PRIMA1: variants seen among roughly 807,000 people sequenced by gnomAD.
PRIMA1 encodes proline rich membrane anchor 1.
A neutral mutation model predicts 17.5 loss-of-function variants in PRIMA1; 7 were observed. That is an observed-to-expected ratio of 0.40 (90% CI 0.23 to 0.75). The LOEUF (loss-of-function observed/expected upper bound fraction) is 0.75, where lower values mean the gene tolerates loss of function less well. Among genes scored for constraint, PRIMA1 ranks in the 30% least tolerant of loss-of-function variants. The pLI is 0.37. For missense variants in PRIMA1, 200 were observed against 201.8 expected, an observed-to-expected ratio of 0.99 and a Z score of 0.05; for synonymous variants, 97 against 77.9, an observed-to-expected ratio of 1.25 and a Z score of -1.29.
At chr14:93,753,732 C>T (rs2076274378) in intron 3 of PRIMA1, among the ~76,000 whole-genome samples, 1 of 152,114 alleles carries the variant, frequency 6.6e-6, no homozygotes, top group Non-Finnish European at 1.5e-5. Context: ...ATGATGCTGC[C>T]CCCTTTGTGG....
intron 2 of PRIMA1, among the ~76,000 whole-genome samples, chr14:93,784,579 T>C (rs866897619): frequency 2.2e-4 from 34 of 152,238 alleles, no homozygotes; most frequent in African/African-American, 7.5e-4. Context: ...TGCAGGACAC[T>C]ATGTTAGTGG....
intron 3 of PRIMA1, among the ~76,000 whole-genome samples, chr14:93,750,661 T>A (rs935832554): frequency 6.6e-6 from 1 of 152,190 alleles, no homozygotes; most frequent in African/African-American, 2.4e-5. Context: ...TCTCGCCTTT[T>A]ACAGAAAGTT....
rs563520630 is a variant in PRIMA1 at position 93,725,076 on chromosome 14, A to G, written c.360-3530T>C. On this transcript the variant is annotated intron_variant, in intron 4 of 4. Coordinates refer to ENST00000393140, the MANE Select transcript of PRIMA1 (RefSeq NM_178013.4). Reference sequence around the variant, plus strand: ...GGTGGCTCGGAAGAGCTAAGCAGGAAGTGAGCCTGGCAGGAGGACCCTGGA... The same window carrying G: ...GGTGGCTCGGAAGAGCTAAGCAGGAGGTGAGCCTGGCAGGAGGACCCTGGA... Among the ~76,000 whole-genome samples, 3 of 152,170 alleles carry G rather than the reference A, an allele frequency of 2.0e-5. No individual in the cohort carries two copies. The East Asian group carries it at 5.8e-4, about 29-fold the overall frequency.
intron 3 of PRIMA1, among the ~76,000 whole-genome samples, chr14:93,771,138 G>T (rs759021523): frequency 7.0e-6 from 1 of 143,114 alleles, no homozygotes; most frequent in African/African-American, 2.5e-5. Context: ...GCATGTGCAC[G>T]TATGTGTGTG....
intron 4 of PRIMA1, among the ~76,000 whole-genome samples, chr14:93,736,580 G>A (rs551715530): frequency 8.5e-5 from 13 of 152,350 alleles, no homozygotes; most frequent in East Asian, 7.7e-4. Flanking sequence ...GGGCCCTGCC[G>A]CCAGGTGTCC....
chr14:93,762,407 CA>C (rs1161634557), intron 3 of PRIMA1, among the ~76,000 whole-genome samples: 1 of 152,078 alleles, frequency 6.6e-6, no homozygotes, highest in East Asian at 1.9e-4. Flanking sequence ...CTGGCTCCAG[CA>C]CAGCCCCCCA....
intron 3 of PRIMA1, among the ~76,000 whole-genome samples, chr14:93,760,195 G>A (rs72694730): frequency 2.2e-4 from 33 of 152,320 alleles, no homozygotes; most frequent in Non-Finnish European, 1.8e-4. Context: ...GTGAGGAACC[G>A]AACACAGACA....
At chr14:93,730,487 G>C (rs965475355) in intron 4 of PRIMA1, among the ~76,000 whole-genome samples, 2 of 152,136 alleles carry the variant, frequency 1.3e-5, no homozygotes, top group African/African-American at 2.4e-5. Context: ...GGGAGTGCTC[G>C]ATGAGCCAGG....
At position 93,779,185 on chromosome 14, in the gene PRIMA1, AG is replaced by A; in HGVS notation, c.219del (p.Ser74ProfsTer21). 1 of 1,012,250 alleles carries A rather than the reference AG, an allele frequency of 9.9e-7. No individual in the cohort carries two copies. The highest frequency in any genetic ancestry group is 1.2e-6 in the Non-Finnish European group (1 of 845,694). The allele number at this position is 1,012,250 out of a possible 1,614,324, so 62.7% of individuals were successfully genotyped here. A position where few individuals can be genotyped will look rare whatever the true frequency, so the allele number is the denominator to read the frequency against. ...GTGAGCCATTACTTACCTGGGGCGGAGAGGAGTCTGGGAGGTGGCGGGGGTG... is the reference window on the plus strand; with the variant it reads ...GTGAGCCATTACTTACCTGGGGCGGAAGGAGTCTGGGAGGTGGCGGGGGTG... ...PPPPPPPPRL[L>X]SAPAPNSTSC... On this transcript the variant is annotated frameshift_variant, in exon 3 of 5. Transcript: ENST00000393140. LOFTEE classifies it high-confidence loss of function.
chr14:93,771,160 A>T (rs949054988), intron 3 of PRIMA1, among the ~76,000 whole-genome samples: 1 of 150,366 alleles, frequency 6.7e-6, no homozygotes, highest in South Asian at 2.1e-4. Flanking sequence ...GTGCGCATGT[A>T]TGTGTGTGTG....
intron 4 of PRIMA1, among the ~76,000 whole-genome samples, chr14:93,733,446 C>A (rs1595193814): frequency 6.6e-6 from 1 of 152,172 alleles, no homozygotes. Context: ...GCGGGGTGCG[C>A]CTTCCACAGC....
chr14:93,760,039 A>G (rs1379690679), intron 3 of PRIMA1, among the ~76,000 whole-genome samples: 4 of 152,270 alleles, frequency 2.6e-5, no homozygotes, highest in Admixed American at 2.6e-4. Context: ...ACAGGGCAAC[A>G]GCTGCCGTCC....
rs535632983 is a variant in PRIMA1 at position 93,729,779 on chromosome 14, T to C, written c.359+7462A>G. Among the ~76,000 whole-genome samples, 11 of 151,488 alleles carry C rather than the reference T, an allele frequency of 7.3e-5. No individual in the cohort carries two copies. In the South Asian group the frequency reaches 2.3e-3, roughly 32 times the overall value. On this transcript the variant is annotated intron_variant, in intron 4 of 4. Transcript: ENST00000393140. Reference sequence around the variant, plus strand: ...CTTCACTGCATTCACATCCTGGGAGTGTGTTATGCGCAGGTGGGAGAGAGG... The same window carrying C: ...CTTCACTGCATTCACATCCTGGGAGCGTGTTATGCGCAGGTGGGAGAGAGG...
intron 3 of PRIMA1, among the ~76,000 whole-genome samples, chr14:93,752,561 T>TGGGCAGTTG (rs2076266663): frequency 6.6e-6 from 1 of 152,184 alleles, no homozygotes; most frequent in South Asian, 2.1e-4. Flanking sequence ...GCCTCCTCAA[T>TGGGCAGTTG]GGGCAGTTGG....
intron 3 of PRIMA1, among the ~76,000 whole-genome samples, chr14:93,778,846 G>C (rs1885297020): frequency 6.6e-6 from 1 of 152,120 alleles, no homozygotes. Context: ...CTGTGTGTTG[G>C]GGGAGGGGGG....
intron 4 of PRIMA1, among the ~76,000 whole-genome samples, chr14:93,725,033 C>G (rs1049372190): frequency 5.3e-5 from 8 of 152,134 alleles, no homozygotes; most frequent in Non-Finnish European, 4.4e-5. Flanking sequence ...CCTTCGTACT[C>G]GCGGGCCCTG....
At chr14:93,785,188 C>CAAAAAAAAAAAA (rs386382197) in intron 2 of PRIMA1, among the ~76,000 whole-genome samples, 2 of 110,076 alleles carry the variant, frequency 1.8e-5, no homozygotes, top group Non-Finnish European at 3.6e-5. Flanking sequence ...TCTTCTCTTT[C>CAAAAAAAAAAAA]AAAAAAAAAA....
At chr14:93,738,807 C>T (rs990096872) in intron 3 of PRIMA1, among the ~76,000 whole-genome samples, 10 of 152,310 alleles carry the variant, frequency 6.6e-5, no homozygotes, top group Middle Eastern at 3.4e-3. Flanking sequence ...AAAGTGTCCC[C>T]GTGCCTCTTT....
intron 4 of PRIMA1, among the ~76,000 whole-genome samples, chr14:93,725,497 G>A (rs994913961): frequency 5.3e-5 from 8 of 152,144 alleles, no homozygotes; most frequent in Non-Finnish European, 1.2e-4. Context: ...CGGCACTTCA[G>A]GGTGACGCTG....
Sources: allele counts gnomAD v4.1 joint callset (sites outside exome capture counted in the v4.1 genomes callset), GRCh38; gene constraint gnomAD v4.1.1; transcripts MANE v1.5; gene names NCBI Gene and HGNC (gene_info 2026-07-23, HGNC 2026-07-21).